NRXN1: variants seen among roughly 807,000 people sequenced by gnomAD.
NRXN1 encodes neurexin-1.
NRXN1 carries 39 observed loss-of-function variants against 150.9 expected under a neutral mutation model. That is an observed-to-expected ratio of 0.26 (90% CI 0.20 to 0.34). NRXN1 has a LOEUF of 0.34. NRXN1 is among the 10% of genes least tolerant of loss of function. NRXN1 has a pLI of 1.00. For synonymous variants in NRXN1, 924 were observed against 757.0 expected (o/e 1.22, Z -3.62); for missense variants, 1,815 against 1,949.9 (o/e 0.93, Z 1.30).
At chr2:50,692,911 T>A (rs542748758) in intron 5 of NRXN1, among the ~76,000 whole-genome samples, 1 of 152,112 alleles carries the variant, frequency 6.6e-6, no homozygotes, top group Non-Finnish European at 1.5e-5. Context: ...AATCTATGAG[T>A]GTATATTTAA....
intron 22 of NRXN1, 100 bp from the exon 23 acceptor site, chr2:49,922,351 A>T: frequency 8.4e-7 from 1 of 1,196,008 alleles, no homozygotes; most frequent in Non-Finnish European, 1.2e-6. Flanking sequence ...AACAGCACCT[A>T]TGCTTTAGGA....
chr2:50,587,214 G>T (rs1673294410), intron 8 of NRXN1, among the ~76,000 whole-genome samples: 1 of 152,298 alleles, frequency 6.6e-6, no homozygotes, highest in Non-Finnish European at 1.5e-5. Context: ...GCCAGGCATG[G>T]TGGCTCACAC....
At chr2:50,986,877 A>G (rs1310015501) in intron 2 of NRXN1, among the ~76,000 whole-genome samples, 2 of 151,874 alleles carry the variant, frequency 1.3e-5, no homozygotes, top group Non-Finnish European at 2.9e-5. Context: ...ATATATATGT[A>G]TATATGCGTA....
At chr2:50,046,462 AC>A (rs1691828590) in intron 21 of NRXN1, among the ~76,000 whole-genome samples, 1 of 152,224 alleles carries the variant, frequency 6.6e-6, no homozygotes, top group South Asian at 2.1e-4. Flanking sequence ...GCTTTAATTT[AC>A]AGTGTGTACC....
chr2:50,345,955 T>C (rs942138674), intron 17 of NRXN1, among the ~76,000 whole-genome samples: 1 of 152,182 alleles, frequency 6.6e-6, no homozygotes, highest in Admixed American at 6.5e-5. Context: ...CTCTGTTCCA[T>C]TTAGAAAAGA....
intron 21 of NRXN1, among the ~76,000 whole-genome samples, chr2:49,963,135 A>G (rs960611634): frequency 3.9e-5 from 6 of 152,288 alleles, no homozygotes; most frequent in Admixed American, 6.5e-5. Context: ...TTATTTTTCA[A>G]TCCTCAAATC....
At chr2:50,982,890 A>G in intron 2 of NRXN1, among the ~76,000 whole-genome samples, 1 of 152,152 alleles carries the variant, frequency 6.6e-6, no homozygotes, top group African/African-American at 2.4e-5. Context: ...GCAAACACCT[A>G]ACTGACAAAT....
chr2:50,881,268 A>G (rs6727808), intron 5 of NRXN1, among the ~76,000 whole-genome samples: 29,503 of 151,754 alleles, frequency 0.19, 3,258 homozygotes, highest in Non-Finnish European at 0.25. Flanking sequence ...TTAGCAATCT[A>G]TTCCCCTTCT....
intron 18 of NRXN1, among the ~76,000 whole-genome samples, chr2:50,208,846 A>G (rs990412902): frequency 8.5e-5 from 13 of 152,288 alleles, no homozygotes; most frequent in African/African-American, 3.1e-4. Flanking sequence ...AACACATTTG[A>G]TGTTAAAACA....
At chr2:50,305,586 A>C (rs759290341) in intron 17 of NRXN1, among the ~76,000 whole-genome samples, 4 of 152,238 alleles carry the variant, frequency 2.6e-5, no homozygotes, top group African/African-American at 2.4e-5. Flanking sequence ...ATTAACAATT[A>C]ATACTAAATA....
At chr2:50,711,802 T>C (rs1031454234) in intron 5 of NRXN1, among the ~76,000 whole-genome samples, 1 of 152,122 alleles carries the variant, frequency 6.6e-6, no homozygotes, top group East Asian at 1.9e-4. Flanking sequence ...AGTGCCTCTT[T>C]ATAACGGGCC....
At chr2:50,850,659 C>T (rs935473062) in intron 5 of NRXN1, among the ~76,000 whole-genome samples, 1 of 152,104 alleles carries the variant, frequency 6.6e-6, no homozygotes, top group East Asian at 1.9e-4. Context: ...TCATCACCTT[C>T]ATGCTTAAAG....
intron 5 of NRXN1, among the ~76,000 whole-genome samples, chr2:50,893,609 G>C (rs76185675): frequency 6.6e-6 from 1 of 152,046 alleles, no homozygotes; most frequent in South Asian, 2.1e-4. Context: ...TTTACTATGT[G>C]ATATTTATTT....
At chr2:50,161,848 G>A (rs551414724) in intron 18 of NRXN1, among the ~76,000 whole-genome samples, 1 of 152,168 alleles carries the variant, frequency 6.6e-6, no homozygotes, top group Admixed American at 6.6e-5. Context: ...AAGGCAGGAA[G>A]GCAGGCAGGC....
intron 5 of NRXN1, among the ~76,000 whole-genome samples, chr2:50,707,175 G>C (rs1447122637): frequency 6.6e-6 from 1 of 152,044 alleles, no homozygotes; most frequent in African/African-American, 2.4e-5. Context: ...CATCACCTTT[G>C]GAAGAAATTG....
At chr2:50,238,516 T>A (rs2065684449) in intron 17 of NRXN1, among the ~76,000 whole-genome samples, 1 of 151,994 alleles carries the variant, frequency 6.6e-6, no homozygotes, top group South Asian at 2.1e-4. Context: ...CTTCTTGTAT[T>A]TATAGAAAAA....
chr2:50,340,654 C>A (rs186527230), intron 17 of NRXN1, among the ~76,000 whole-genome samples: 4 of 151,874 alleles, frequency 2.6e-5, no homozygotes, highest in Admixed American at 2.6e-4. Flanking sequence ...TTTAAGAAAT[C>A]CTTATGATCA....
intron 21 of NRXN1, among the ~76,000 whole-genome samples, chr2:49,982,791 A>C (rs1680192044): frequency 6.6e-6 from 1 of 152,102 alleles, no homozygotes; most frequent in African/African-American, 2.4e-5. Context: ...CTTTGTAAAT[A>C]ACAATTTTCT....
chr2:50,912,307 T>C (rs1684634014), intron 5 of NRXN1: 1 of 151,500 alleles, frequency 6.6e-6, no homozygotes, highest in South Asian at 2.1e-4. Context: ...TTTTAGAAAA[T>C]GCATCCCAGG....
Sources: gnomAD v4.1 joint callset for allele counts (sites outside exome capture counted in the v4.1 genomes callset) on GRCh38, gnomAD v4.1.1 for gene constraint, MANE v1.5 for transcripts, NCBI Gene and HGNC (gene_info 2026-07-23, HGNC 2026-07-21) for gene names.